THSD4: variants seen among roughly 807,000 people sequenced by gnomAD.
THSD4 encodes thrombospondin type 1 domain containing 4.
A neutral mutation model predicts 119.0 loss-of-function variants in THSD4; 69 were observed. The ratio of observed to expected loss-of-function variants is 0.58; its 90% CI spans 0.48 to 0.71. The LOEUF is 0.71. Among genes scored for constraint, THSD4 ranks in the 30% least tolerant of loss-of-function variants. The pLI, the probability that THSD4 is intolerant of heterozygous loss-of-function variation, is 0.00. For synonymous variants in THSD4, 524 were observed against 540.4 expected (o/e 0.97, Z 0.42); for missense variants, 1,393 against 1,391.1 (o/e 1.00, Z -0.02).
intron 5 of THSD4, among the ~76,000 whole-genome samples, chr15:71,247,163 G>T (rs1192626293): frequency 2.0e-5 from 3 of 151,848 alleles, no homozygotes; most frequent in Admixed American, 1.3e-4. Flanking sequence ...CTCCCAAAGT[G>T]CTGTGATAAC....
intron 6 of THSD4, among the ~76,000 whole-genome samples, chr15:71,258,308 A>C (rs181965353): frequency 9.7e-4 from 148 of 152,190 alleles, no homozygotes; most frequent in Non-Finnish European, 2.0e-3. Context: ...CCTCCCGAGT[A>C]GCTGGGATTA....
At chr15:71,230,691 C>T (rs949278102) in intron 4 of THSD4, among the ~76,000 whole-genome samples, 7 of 152,348 alleles carry the variant, frequency 4.6e-5, no homozygotes, top group Admixed American at 3.3e-4. Context: ...TATGTTACCA[C>T]CTCTGTCCCT....
chr15:71,199,675 G>GGT (rs1335618332), intron 3 of THSD4, among the ~76,000 whole-genome samples: 4 of 42,106 alleles, frequency 9.5e-5, no homozygotes, highest in Admixed American at 4.5e-4. Flanking sequence ...ATGTGTGGAG[G>GGT]GTGTGTGTGT....
intron 8 of THSD4, among the ~76,000 whole-genome samples, chr15:71,704,724 A>G (rs2052361526): frequency 6.6e-6 from 1 of 152,242 alleles, no homozygotes; most frequent in Admixed American, 6.5e-5. Context: ...CTGGACATAC[A>G]GGGGCCGGTT....
Position 71,779,287 on chromosome 15 carries a change from A to C in THSD4, c.*1913A>C, listed in dbSNP as rs2140264994. The C allele has an allele frequency of 1.3e-5, 2 of 152,366 alleles. No individual in the cohort carries two copies. Among genetic ancestry groups the C allele is most frequent in the Middle Eastern group, 6.7e-3 (2 of 298 alleles). 9.4% of individuals were successfully genotyped at this position (152,366 alleles called of 1,614,324 possible). A position where few individuals can be genotyped will look rare whatever the true frequency, so the allele number is the denominator to read the frequency against. On this transcript the variant is annotated 3_prime_UTR_variant, in exon 18 of 18. Coordinates refer to ENST00000261862, the MANE Select transcript of THSD4 (RefSeq NM_024817.3). ...CCCAGGCTCCCAAACCGACAAAGTG[A>C]AAAGAGACCAGAGAGGCCAAGCATA...
chr15:71,644,567 C>G (rs796151596), intron 7 of THSD4, among the ~76,000 whole-genome samples: 1 of 152,134 alleles, frequency 6.6e-6, no homozygotes, highest in Non-Finnish European at 1.5e-5. Context: ...TAGGTCAATA[C>G]TCTATGCCAC....
chr15:71,697,190 G>A (rs758817402), intron 8 of THSD4, among the ~76,000 whole-genome samples: 3 of 152,146 alleles, frequency 2.0e-5, no homozygotes, highest in Admixed American at 1.3e-4. Flanking sequence ...AGAGAATACC[G>A]GAAGGAATAT....
chr15:71,648,603 A>G (rs530155836), intron 7 of THSD4, among the ~76,000 whole-genome samples: 1 of 152,350 alleles, frequency 6.6e-6, no homozygotes, highest in Non-Finnish European at 1.5e-5. Flanking sequence ...CCATTGTCCC[A>G]GAGCATTATT....
At chr15:71,341,299 T>C (rs1173436608) in intron 6 of THSD4, 4 of 1,600,444 alleles carry the variant, frequency 2.5e-6, no homozygotes, top group African/African-American at 2.7e-5. Context: ...AGCTCATGTA[T>C]GGGTTAATCC....
chr15:71,407,856 A>G (rs963115465), intron 6 of THSD4, among the ~76,000 whole-genome samples: 1 of 152,156 alleles, frequency 6.6e-6, no homozygotes, highest in African/African-American at 2.4e-5. Context: ...GTCTGGGGTG[A>G]GGCCCAAGAA....
chr15:71,309,707 C>T (rs1237371861), intron 6 of THSD4, among the ~76,000 whole-genome samples: 1 of 152,180 alleles, frequency 6.6e-6, no homozygotes, highest in Non-Finnish European at 1.5e-5. Context: ...ATGTGGATAT[C>T]CAGTTGTCCA....
chr15:71,347,933 A>C (rs759270584), intron 6 of THSD4, among the ~76,000 whole-genome samples: 15 of 152,118 alleles, frequency 9.9e-5, no homozygotes, highest in Non-Finnish European at 2.1e-4. Flanking sequence ...ATACCCACAT[A>C]ATAACAATTT....
intron 8 of THSD4, among the ~76,000 whole-genome samples, chr15:71,689,359 C>T (rs1229775156): frequency 6.6e-6 from 1 of 152,262 alleles, no homozygotes; most frequent in East Asian, 1.9e-4. Context: ...GCTCTGAATT[C>T]TGTGTCTGCC....
chr15:71,675,433 C>T (rs551977442), intron 8 of THSD4, among the ~76,000 whole-genome samples: 1 of 152,272 alleles, frequency 6.6e-6, no homozygotes, highest in East Asian at 1.9e-4. Flanking sequence ...AACAGGCCAG[C>T]CTTAGACAGT....
intron 7 of THSD4, among the ~76,000 whole-genome samples, chr15:71,562,449 A>C (rs951876765): frequency 6.6e-6 from 1 of 152,104 alleles, no homozygotes; most frequent in African/African-American, 2.4e-5. Context: ...TCATCAACAT[A>C]TTATTTGCAG....
At chr15:71,731,310 G>T in intron 10 of THSD4, 93 bp downstream of exon 10, 1 of 1,243,170 alleles carries the variant, frequency 8.0e-7, no homozygotes. Context: ...TCTGTCTCTC[G>T]GTCAACACAG....
intron 7 of THSD4, among the ~76,000 whole-genome samples, chr15:71,536,140 T>G (rs753007643): frequency 2.0e-5 from 3 of 152,228 alleles, no homozygotes; most frequent in Non-Finnish European, 4.4e-5. Context: ...ATAACAAATT[T>G]ATTATCTTAC....
intron 8 of THSD4, among the ~76,000 whole-genome samples, chr15:71,714,715 G>A (rs1197417294): frequency 2.7e-5 from 4 of 150,884 alleles, no homozygotes; most frequent in African/African-American, 9.9e-5. Context: ...GCGTGGTGAC[G>A]CATGCCTGTA....
chr15:71,742,546 G>T (rs1000359537), intron 11 of THSD4, among the ~76,000 whole-genome samples: 1 of 152,090 alleles, frequency 6.6e-6, no homozygotes, highest in Admixed American at 6.5e-5. Context: ...CAACATGTCC[G>T]CATATAAGGC....
Sources: gnomAD v4.1 joint callset for allele counts (sites outside exome capture counted in the v4.1 genomes callset) on GRCh38, gnomAD v4.1.1 for gene constraint, MANE v1.5 for transcripts, NCBI Gene and HGNC (gene_info 2026-07-23, HGNC 2026-07-21) for gene names.